CHCHD7: variants seen among roughly 807,000 people sequenced by gnomAD.
The protein encoded by CHCHD7 is coiled-coil-helix-coiled-coil-helix domain containing 7.
In CHCHD7, 7 loss-of-function variants were observed where a neutral mutation model predicts 10.5. The ratio of observed to expected loss-of-function variants is 0.67; its 90% confidence interval spans 0.38 to 1.25. CHCHD7 has a LOEUF of 1.25. CHCHD7 is among the 50% of genes most tolerant of loss of function. CHCHD7 has a pLI of 0.02. For missense variants in CHCHD7, 100 were observed against 104.5 expected, an observed-to-expected ratio of 0.96 and a Z score of 0.19; for synonymous variants, 40 against 36.0, an observed-to-expected ratio of 1.11 and a Z score of -0.40.
intron 1 of CHCHD7, chr8:56,212,702 T>G: frequency 1.6e-6 from 1 of 618,530 alleles, no homozygotes; most frequent in South Asian, 2.1e-5. Flanking sequence ...AGCGGAGCAC[T>G]CGATGTTGTA....
At chr8:56,214,714 AG>A in intron 2 of CHCHD7, 47 bp downstream of exon 2, 1 of 1,465,824 alleles carries the variant, frequency 6.8e-7, no homozygotes, top group Non-Finnish European at 9.5e-7. Context: ...TTGGAAAAAC[AG>A]GCTGCTCTAG....
intron 1 of CHCHD7, chr8:56,214,049 C>T (rs1038658447): frequency 6.6e-6 from 1 of 152,186 alleles, no homozygotes; most frequent in African/African-American, 2.4e-5. Context: ...TAAGAGTAAA[C>T]AACAACTGAA....
chr8:56,216,249 T>G, intron 2 of CHCHD7, 184 bp from the exon 3 acceptor site: 1 of 855,222 alleles, frequency 1.2e-6, no homozygotes, highest in South Asian at 1.9e-5. Context: ...GATGTTAGCC[T>G]GAGCAGAGTG....
In CHCHD7 at chr8:56,218,500, T is replaced by C. The variant is rs1813489061; in HGVS notation, c.*1065T>C. On this transcript the variant is annotated 3_prime_UTR_variant, in exon 4 of 4. Transcript: ENST00000355315. ...TGGTCTTGGGTCAAGAACATTGTTT[T>C]AATGGCTGCCGACAATGAACTGTCT... is the stretch of plus-strand genomic sequence containing the variant. The C allele has an allele frequency of 4.7e-6, 1 of 214,562 alleles. No homozygotes were observed. Among genetic ancestry groups the C allele is most frequent in the Admixed American group, 5.9e-5 (1 of 17,040 alleles). 13.3% of individuals were successfully genotyped at this position (214,562 alleles called of 1,614,324 possible).
intron 1 of CHCHD7, chr8:56,212,704 G>T (rs1813079295): frequency 3.2e-6 from 2 of 617,238 alleles, no homozygotes; most frequent in South Asian, 4.3e-5. Flanking sequence ...CGGAGCACTC[G>T]ATGTTGTAAT....
chr8:56,212,793 G>T, intron 1 of CHCHD7: 1 of 1,053,124 alleles, frequency 9.5e-7, no homozygotes, highest in Non-Finnish European at 1.5e-6. Flanking sequence ...CAAAGGAGGG[G>T]ACTTTCGGAA....
chr8:56,216,517 T>C lies in CHCHD7; in HGVS notation c.139T>C (p.Cys47Arg). 1 of 1,614,178 alleles carries C rather than the reference T, an allele frequency of 6.2e-7. No homozygotes were observed. The highest frequency in any genetic ancestry group is 8.5e-7 in the Non-Finnish European group (1 of 1,180,028). The change falls in exon 3 of 4, where the codon TGC becomes CGC. Residue 47 changes from cysteine (C) to arginine (R), a missense_variant. Coordinates refer to ENST00000355315, the MANE Select transcript of CHCHD7 (RefSeq NM_001011671.3). ...CSTYFLRYKNCRRFWNSIVMQ... is the reference protein window; with the variant it reads ...CSTYFLRYKNRRRFWNSIVMQ... The stretch of plus-strand genomic sequence containing the variant: ...CACTTACTTCTTGAGGTACAAAAAC[T>C]GCCGGAGATTCTGGGTAAGCCTAGA...
intron 1 of CHCHD7, chr8:56,213,283 A>G (rs1322124328): frequency 6.2e-6 from 1 of 160,026 alleles, no homozygotes; most frequent in East Asian, 1.7e-4. Context: ...TGATTACTTA[A>G]TGGACACCAG....
In CHCHD7 at chr8:56,216,798, T is replaced by C; in HGVS notation, c.153+267T>C. The C allele has an allele frequency of 4.3e-6, 3 of 690,118 alleles. No homozygotes were observed. The South Asian group carries it at 4.6e-5, about 11-fold the overall frequency. 42.7% of individuals were successfully genotyped at this position (690,118 alleles called of 1,614,324 possible). A position where few individuals can be genotyped will look rare whatever the true frequency, so the allele number is the denominator to read the frequency against. ...TTAAGTATCTGCAGCCCTAAAACAA[T>C]GTCTTTGTTATAAATTTAGTTTTCC... is the stretch of plus-strand genomic sequence containing the variant. On this transcript the variant is annotated intron_variant, in intron 3 of 3. Coordinates refer to ENST00000355315, the MANE Select transcript of CHCHD7 (RefSeq NM_001011671.3).
rs556864790 is a variant in CHCHD7, at chr8:56,217,029, C to T, written c.154-302C>T. 246 of 416,660 alleles carry T rather than the reference C, an allele frequency of 5.9e-4. 2 individuals carry two copies. The highest frequency in any genetic ancestry group is 4.0e-3 in the South Asian group (172 of 42,516). The allele number at this position is 416,660 out of a possible 1,614,324, so 25.8% of individuals were successfully genotyped here. Reference sequence around the variant, plus strand: ...TAAATGCACTGTTGGTTTTATTTCACGATTATTCAGTAGCTCTTCTTGACA... The same window carrying T: ...TAAATGCACTGTTGGTTTTATTTCATGATTATTCAGTAGCTCTTCTTGACA... On this transcript the variant is annotated intron_variant, in intron 3 of 3. Transcript: ENST00000355315.
At position 56,214,636 on chromosome 8, in the gene CHCHD7, T is replaced by C. The variant is rs1404594327; in HGVS notation, c.23T>C (p.Leu8Pro). The C allele has an allele frequency of 1.2e-6, 2 of 1,613,628 alleles. No homozygotes were observed. The highest frequency in any genetic ancestry group is 1.7e-5 in the Admixed American group (1 of 60,032). The stretch of plus-strand genomic sequence containing the variant: ...AGAATGCCCTCGGTAACACAGAGGC[T>C]GAGAGATCCTGACATAAATCCTTGT... MPSVTQR[L>P]RDPDINPCLS... The change falls in exon 2 of 4, where the codon CTG becomes CCG. Residue 8 changes from leucine to proline, a missense_variant. Transcript: ENST00000355315.
Position 56,216,438 on chromosome 8 carries a change from T to C in CHCHD7, c.60T>C (p.Ser20=). 1 of 1,614,068 alleles carries C rather than the reference T, an allele frequency of 6.2e-7. No individual in the cohort carries two copies. Among genetic ancestry groups the C allele is most frequent in the Non-Finnish European group, 8.5e-7 (1 of 1,179,886 alleles). The part of the protein sequence containing the change: ...DPDINPCLSE[S]DASTRCLDEN... The stretch of plus-strand genomic sequence containing the variant: ...GCCTCTCTTATATCTGTAAGGAATC[T>C]GATGCTTCCACCAGATGTCTGGATG... Residue 20 remains serine, a synonymous_variant, in exon 3 of 4, where the codon TCT becomes TCC. Coordinates refer to ENST00000355315, the MANE Select transcript of CHCHD7 (RefSeq NM_001011671.3).
intron 1 of CHCHD7, chr8:56,214,017 T>A (rs1813188721): frequency 6.6e-6 from 1 of 152,250 alleles, no homozygotes; most frequent in Admixed American, 6.5e-5. Context: ...TATTAGTACA[T>A]TTGGTTGCTT....
chr8:56,214,429 A>C (rs1813216484), intron 1 of CHCHD7, 169 bp from the exon 2 acceptor site: 1 of 512,408 alleles, frequency 2.0e-6, no homozygotes, highest in South Asian at 3.0e-5. Context: ...AATACAAAGG[A>C]AAAACACGTT....
intron 1 of CHCHD7, chr8:56,213,175 T>C (rs1360356902): frequency 1.3e-5 from 4 of 298,032 alleles, no homozygotes; most frequent in African/African-American, 2.1e-5. Flanking sequence ...CTTGTAGATA[T>C]AATTGAACAG....
At position 56,212,817 on chromosome 8, in the gene CHCHD7, G is replaced by A. The variant is rs373092634; in HGVS notation, c.-17+980G>A. 4.7e-5 allele frequency: 69 copies of A among 1,467,972 alleles called. No individual in the cohort carries two copies. The African/African-American group carries it at 7.1e-4, about 15-fold the overall frequency. 90.9% of individuals were successfully genotyped at this position (1,467,972 alleles called of 1,614,324 possible). A position where few individuals can be genotyped will look rare whatever the true frequency, so the allele number is the denominator to read the frequency against. On this transcript the variant is annotated intron_variant, in intron 1 of 3. Transcript: ENST00000355315. ...GGACTTTCGGAAATCCAAACTTAGA[G>A]TGCCTTGTATTTAGAATCCGGAAGG...
At chr8:56,216,260 C>A in intron 2 of CHCHD7, 173 bp from the exon 3 acceptor site, 1 of 931,864 alleles carries the variant, frequency 1.1e-6, no homozygotes, top group Non-Finnish European at 1.6e-6. Flanking sequence ...GAGCAGAGTG[C>A]ATACTGGGAT....
rs528564200 is a variant in CHCHD7, at chr8:56,216,800, T to C, written c.153+269T>C. On this transcript the variant is annotated intron_variant, in intron 3 of 3. Coordinates refer to ENST00000355315, the MANE Select transcript of CHCHD7 (RefSeq NM_001011671.3). Reference sequence around the variant, plus strand: ...AAGTATCTGCAGCCCTAAAACAATGTCTTTGTTATAAATTTAGTTTTCCTG... The same window carrying C: ...AAGTATCTGCAGCCCTAAAACAATGCCTTTGTTATAAATTTAGTTTTCCTG... The C allele has an allele frequency of 5.8e-6, 4 of 689,332 alleles. No homozygotes were observed. In the South Asian group the frequency reaches 6.1e-5, roughly 11 times the overall value. 42.7% of individuals were successfully genotyped at this position (689,332 alleles called of 1,614,324 possible). A position where few individuals can be genotyped will look rare whatever the true frequency, so the allele number is the denominator to read the frequency against.
rs575795418 is a variant in CHCHD7, at chr8:56,217,768, A to G, written c.*333A>G. ...ACTGAATGGGGCTGAGATGAAGGCA[A>G]TGTTTCCAAGGAAAGGAAATGTTAT... On this transcript the variant is annotated 3_prime_UTR_variant, in exon 4 of 4. Coordinates refer to ENST00000355315, the MANE Select transcript of CHCHD7 (RefSeq NM_001011671.3). 8 of 250,096 alleles carry G rather than the reference A, an allele frequency of 3.2e-5. No homozygotes were observed. In the South Asian group the frequency reaches 5.2e-4, roughly 16 times the overall value. The allele number at this position is 250,096 out of a possible 1,614,324, so 15.5% of individuals were successfully genotyped here. A position where few individuals can be genotyped will look rare whatever the true frequency, so the allele number is the denominator to read the frequency against.
Sources: gnomAD v4.1 joint callset for allele counts on GRCh38, gnomAD v4.1.1 for gene constraint, MANE v1.5 for transcripts, NCBI Gene and HGNC (gene_info 2026-07-23, HGNC 2026-07-21) for gene names.